The following LARGE1 variants were observed in gnomAD, a reference collection of about 807,000 sequenced individuals.
LARGE1 encodes xylosyl- and glucuronyltransferase LARGE1.
LARGE1 carries 43 observed loss-of-function variants against 87.6 expected under a neutral mutation model. That is an observed-to-expected ratio of 0.49 (90% CI 0.38 to 0.63). The LOEUF is 0.63. Among genes scored for constraint, LARGE1 ranks in the 30% least tolerant of loss-of-function variants. The pLI, the probability that LARGE1 is intolerant of heterozygous loss-of-function variation, is 0.00. For synonymous variants in LARGE1, 434 were observed against 394.6 expected (o/e 1.10, Z -1.18); for missense variants, 802 against 1,000.2 (o/e 0.80, Z 2.67).
chr22:33,896,109 C>T (rs1432872059), intron 1 of LARGE1, among the ~76,000 whole-genome samples: 1 of 152,186 alleles, frequency 6.6e-6, no homozygotes, highest in East Asian at 1.9e-4. Context: ...TCCCCTAGTC[C>T]CTGGAAACCA....
chr22:33,775,570 G>C (rs1051014921), intron 1 of LARGE1, among the ~76,000 whole-genome samples: 8 of 152,194 alleles, frequency 5.3e-5, no homozygotes, highest in Non-Finnish European at 1.0e-4. Context: ...CTGGGGGGTT[G>C]GCGGGGCTCA....
At chr22:33,245,245 C>T (rs1307638641) in intron 11 of LARGE1, among the ~76,000 whole-genome samples, 3 of 152,168 alleles carry the variant, frequency 2.0e-5, no homozygotes, top group Admixed American at 2.0e-4. Flanking sequence ...CAAAATTGCC[C>T]TTGTTTAATG....
At chr22:33,485,942 C>T (rs989253357) in intron 6 of LARGE1, among the ~76,000 whole-genome samples, 2 of 152,184 alleles carry the variant, frequency 1.3e-5, no homozygotes, top group Non-Finnish European at 2.9e-5. Context: ...GCTGCTACAC[C>T]TCTGAGGCCC....
chr22:33,874,488 G>A lies in LARGE1; in HGVS notation c.-83+45507C>T, dbSNP rs189855654. On this transcript the variant is annotated intron_variant, in intron 1 of 14. Transcript: ENST00000397394. ...GCTGAAACGGAGCAATTTGCTCAAC[G>A]AACTGCAGCTATGTTTATTATTTTA... 3.7e-3 allele frequency among the ~76,000 whole-genome samples: 565 copies of A among 152,282 alleles called. 7 individuals carry two copies. The highest frequency in any genetic ancestry group is 0.013 in the African/African-American group (550 of 41,542).
intron 6 of LARGE1, among the ~76,000 whole-genome samples, chr22:33,489,955 A>C (rs1435128361): frequency 6.6e-6 from 1 of 152,126 alleles, no homozygotes; most frequent in Non-Finnish European, 1.5e-5. Context: ...GTCCCAGGGA[A>C]GGCAGTGACT....
At chr22:33,520,787 T>G in intron 6 of LARGE1, among the ~76,000 whole-genome samples, 1 of 152,228 alleles carries the variant, frequency 6.6e-6, no homozygotes, top group East Asian at 1.9e-4. Flanking sequence ...GGGCCTCTCT[T>G]CCTTCAATGT....
At chr22:33,431,797 A>G (rs896609704) in intron 7 of LARGE1, among the ~76,000 whole-genome samples, 1 of 152,210 alleles carries the variant, frequency 6.6e-6, no homozygotes, top group African/African-American at 2.4e-5. Flanking sequence ...GCAAAAGTAC[A>G]TATCCGTTGT....
rs184918294 is a variant in LARGE1, at chr22:33,506,624, G to C, written c.787+58224C>G. 5.4e-3 allele frequency among the ~76,000 whole-genome samples: 821 copies of C among 152,300 alleles called. 8 individuals are homozygous for C. The highest frequency in any genetic ancestry group is 0.019 in the African/African-American group (776 of 41,578). On this transcript the variant is annotated intron_variant, in intron 6 of 14. Transcript: ENST00000397394. ...TCTTAAAACTCAGGAGAACTGGCCT[G>C]GGGCAGTGGCTCACGCCTATAATCC...
At chr22:33,685,748 C>A (rs1344206789) in intron 2 of LARGE1, among the ~76,000 whole-genome samples, 1 of 152,174 alleles carries the variant, frequency 6.6e-6, no homozygotes, top group African/African-American at 2.4e-5. Context: ...AAACAATGTT[C>A]CCACTGAGAG....
At chr22:33,203,380 TA>T (rs1303140031) in intron 11 of LARGE1, among the ~76,000 whole-genome samples, 1 of 152,116 alleles carries the variant, frequency 6.6e-6, no homozygotes, top group African/African-American at 2.4e-5. Context: ...GCTTGTGAAT[TA>T]GCCTTTCCCC....
intron 11 of LARGE1, among the ~76,000 whole-genome samples, chr22:33,191,961 A>G (rs1923805298): frequency 6.6e-6 from 1 of 152,234 alleles, no homozygotes; most frequent in Non-Finnish European, 1.5e-5. Context: ...GACTTCAAGC[A>G]TAATCAGAAA....
chr22:33,251,311 G>A (rs2145717777), intron 11 of LARGE1, among the ~76,000 whole-genome samples: 1 of 152,264 alleles, frequency 6.6e-6, no homozygotes, highest in African/African-American at 2.4e-5. Context: ...TTTCTCTGTG[G>A]AGGGAGCTCA....
the LARGE1 span, among the ~76,000 whole-genome samples, chr22:33,087,331 CAT>C: frequency 1.3e-5 from 2 of 151,928 alleles, no homozygotes; most frequent in South Asian, 4.1e-4. Context: ...TTAAGATTCA[CAT>C]AGTTACCACA....
chr22:33,757,038 G>T (rs1432283379), intron 2 of LARGE1, among the ~76,000 whole-genome samples: 1 of 152,266 alleles, frequency 6.6e-6, no homozygotes, highest in Non-Finnish European at 1.5e-5. Context: ...CAAGGAGTTG[G>T]GTTTAAGAAC....
At chr22:33,141,507 C>T in the LARGE1 span, among the ~76,000 whole-genome samples, 1 of 151,978 alleles carries the variant, frequency 6.6e-6, no homozygotes, top group South Asian at 2.1e-4. Context: ...TTTATAGTTA[C>T]AGTTATATAC....
At chr22:33,766,487 G>C (rs774568307) in intron 1 of LARGE1, among the ~76,000 whole-genome samples, 1 of 152,084 alleles carries the variant, frequency 6.6e-6, no homozygotes, top group Non-Finnish European at 1.5e-5. Flanking sequence ...GTGCAATGTC[G>C]TGATCTTGGC....
At chr22:33,243,637 C>A (rs183549742) in intron 11 of LARGE1, among the ~76,000 whole-genome samples, 1 of 152,242 alleles carries the variant, frequency 6.6e-6, no homozygotes, top group Non-Finnish European at 1.5e-5. Context: ...TTTCTCTATC[C>A]GTTCATTTGT....
intron 9 of LARGE1, among the ~76,000 whole-genome samples, chr22:33,370,825 ACT>A (rs2064779936): frequency 6.7e-6 from 1 of 149,596 alleles, no homozygotes; most frequent in African/African-American, 2.4e-5. Context: ...ATAATTTAAC[ACT>A]GTTAAATTAA....
chr22:33,708,904 T>G (rs1039902531), intron 2 of LARGE1, among the ~76,000 whole-genome samples: 3 of 152,004 alleles, frequency 2.0e-5, no homozygotes, highest in Non-Finnish European at 4.4e-5. Flanking sequence ...CAGCCCAGAG[T>G]TAGTTTCTTC....
Sources: allele counts gnomAD v4.1 joint callset (sites outside exome capture counted in the v4.1 genomes callset), GRCh38; gene constraint gnomAD v4.1.1; transcripts MANE v1.5; gene names NCBI Gene and HGNC (gene_info 2026-07-23, HGNC 2026-07-21).